Variants in TPO observed in about 807,000 individuals in gnomAD.
The protein encoded by TPO is thyroid peroxidase, also known as thyroid microsomal antigen.
In TPO, 78 loss-of-function variants were observed where a neutral mutation model predicts 96.9. The observed-to-expected ratio is 0.81, with a 90% confidence interval of 0.67 to 0.97. TPO has a LOEUF of 0.97. Ranked by LOEUF, TPO falls within the 50% of genes least tolerant of loss-of-function variation. The pLI is 0.00. For missense variants in TPO, 1,252 were observed against 1,274.8 expected (o/e 0.98, Z 0.27); for synonymous variants, 547 against 538.0 (o/e 1.02, Z -0.23).
intron 9 of TPO, among the ~76,000 whole-genome samples, chr2:1,486,684 G>T (rs1300598109): frequency 6.6e-6 from 1 of 152,166 alleles, no homozygotes; most frequent in Non-Finnish European, 1.5e-5. Flanking sequence ...TTAGTTTTTT[G>T]GAAGGGTTAT....
intron 14 of TPO, among the ~76,000 whole-genome samples, chr2:1,506,243 A>G (rs79188509): frequency 0.048 from 7,246 of 151,394 alleles, 249 homozygotes; most frequent in East Asian, 0.15. Flanking sequence ...ATAGTATTCT[A>G]TGGTATATAT....
intron 3 of TPO, among the ~76,000 whole-genome samples, chr2:1,430,093 A>T (rs777210348): frequency 1.3e-5 from 2 of 152,234 alleles, no homozygotes; most frequent in Non-Finnish European, 2.9e-5. Flanking sequence ...AAAGCATGGT[A>T]TAAGTCCTCA....
intron 15 of TPO, among the ~76,000 whole-genome samples, chr2:1,526,260 G>A (rs1676473816): frequency 1.2e-5 from 1 of 83,452 alleles, no homozygotes; most frequent in African/African-American, 5.1e-5. Context: ...CCCACTGTGA[G>A]CAACCACCCC....
At chr2:1,526,378 A>C (rs1474176750) in intron 15 of TPO, among the ~76,000 whole-genome samples, 5 of 14,110 alleles carry the variant, frequency 3.5e-4, no homozygotes, top group South Asian at 3.0e-3. Context: ...GCAACCCCCC[A>C]AATGCCCCCC....
At chr2:1,530,398 C>A (rs1426691746) in intron 15 of TPO, among the ~76,000 whole-genome samples, 12 of 144,930 alleles carry the variant, frequency 8.3e-5, no homozygotes, top group Non-Finnish European at 1.5e-4. Flanking sequence ...TTCCCTAAAT[C>A]CCCTAAACTG....
At chr2:1,497,408 G>A (rs184263579) in intron 13 of TPO, among the ~76,000 whole-genome samples, 2 of 152,310 alleles carry the variant, frequency 1.3e-5, no homozygotes, top group Non-Finnish European at 2.9e-5. Context: ...CTCCCGGGGG[G>A]AGAGCCGTGT....
chr2:1,413,915 A>G (rs1662607000), intron 1 of TPO, among the ~76,000 whole-genome samples: 1 of 152,256 alleles, frequency 6.6e-6, no homozygotes. Flanking sequence ...CTTAACAACT[A>G]GAATTCTAAA....
intron 4 of TPO, among the ~76,000 whole-genome samples, chr2:1,435,083 A>T (rs1665428298): frequency 6.6e-6 from 1 of 152,070 alleles, no homozygotes; most frequent in Non-Finnish European, 1.5e-5. Context: ...ACAGGCACTC[A>T]CCACCACACC....
Position 1,495,980 on chromosome 2 carries a change from T to G in TPO, c.2007-9T>G. 6.3e-7 allele frequency: 1 copy of G among 1,585,018 alleles called. No homozygotes were observed. The highest frequency in any genetic ancestry group is 8.5e-7 in the Non-Finnish European group (1 of 1,178,666). On this transcript the variant is annotated splice_polypyrimidine_tract_variant and intron_variant, in intron 11 of 16. Coordinates refer to ENST00000329066, the MANE Select transcript of TPO (RefSeq NM_001206744.2). Reference sequence around the variant, plus strand: ...ACTGTGACCTTACTCACTGTCTCCTTCTCTGGAGGTTTTGGTGGGAGAACA... The same window carrying G: ...ACTGTGACCTTACTCACTGTCTCCTGCTCTGGAGGTTTTGGTGGGAGAACA...
chr2:1,467,678 T>C (rs1042508671), intron 7 of TPO, among the ~76,000 whole-genome samples: 2 of 152,092 alleles, frequency 1.3e-5, no homozygotes, highest in Admixed American at 6.6e-5. Context: ...TTGGGTAGAA[T>C]GTTCTGTAAA....
intron 2 of TPO, among the ~76,000 whole-genome samples, chr2:1,422,397 C>CAGCCGCCTCTCCTGGACAGACCT (rs1467468825): frequency 1.8e-5 from 1 of 54,878 alleles, no homozygotes; most frequent in African/African-American, 1.0e-4. Context: ...CCGCGCTGGG[C>CAGCCGCCTCTCCTGGACAGACCT]CATGGGGAGA....
At chr2:1,415,446 A>C (rs185922786) in intron 2 of TPO, among the ~76,000 whole-genome samples, 2,523 of 138,746 alleles carry the variant, frequency 0.018, 26 homozygotes, top group Middle Eastern at 0.043. Flanking sequence ...GGGCCTCTGC[A>C]CACAGTCCCG....
intron 15 of TPO, among the ~76,000 whole-genome samples, chr2:1,530,519 CCACT>C: frequency 7.8e-6 from 1 of 128,054 alleles, no homozygotes; most frequent in East Asian, 2.6e-4. Flanking sequence ...CAAATCTCCC[CCACT>C]CTGTGCAACC....
Position 1,542,440 on chromosome 2 carries a change from G to C in TPO, c.2768G>C (p.Gly923Ala). The change falls in exon 17 of 17, where the codon GGC becomes GCC. Residue 923 changes from glycine to alanine, a missense_variant. Gly to Ala is a moderately conservative substitution (Grantham distance 60). Coordinates refer to ENST00000329066, the MANE Select transcript of TPO (RefSeq NM_001206744.2). ...TTGCAGGAGAGTGCTGGGATGGAAG[G>C]CCGGGATACTCACAGGCTGCCGAGA... The part of the protein sequence containing the change: ...DSEQESAGME[G>A]RDTHRLPRAL 4.3e-6 allele frequency: 7 copies of C among 1,614,168 alleles called. No homozygotes were observed. Among genetic ancestry groups the C allele is most frequent in the Non-Finnish European group, 5.9e-6 (7 of 1,180,020 alleles).
chr2:1,458,001 T>C (rs1668017565), intron 7 of TPO, among the ~76,000 whole-genome samples: 1 of 151,648 alleles, frequency 6.6e-6, no homozygotes, highest in Non-Finnish European at 1.5e-5. Flanking sequence ...CGTGTGTATA[T>C]GGCATATAAG....
At chr2:1,452,068 G>A (rs1667354263) in intron 5 of TPO, among the ~76,000 whole-genome samples, 1 of 151,994 alleles carries the variant, frequency 6.6e-6, no homozygotes, top group African/African-American at 2.4e-5. Flanking sequence ...ATTTGAATAT[G>A]TATTTTATTT....
chr2:1,401,667 G>T (rs1282819523), intron 1 of TPO, among the ~76,000 whole-genome samples: 3 of 152,072 alleles, frequency 2.0e-5, no homozygotes, highest in Non-Finnish European at 2.9e-5. Flanking sequence ...TCCTGGCATG[G>T]GTTTGATCCC....
intron 5 of TPO, among the ~76,000 whole-genome samples, chr2:1,448,967 T>C (rs1667080119): frequency 6.6e-6 from 1 of 152,132 alleles, no homozygotes; most frequent in Admixed American, 6.5e-5. Context: ...GAACGTGGCA[T>C]GGACATTGTG....
intron 16 of TPO, 97 bp from the exon 17 acceptor site, chr2:1,542,324 G>C: frequency 6.6e-7 from 1 of 1,510,096 alleles, no homozygotes; most frequent in Admixed American, 1.9e-5. Flanking sequence ...TGTGAAAAGA[G>C]CTCCTGTCCA....
Sources: gnomAD v4.1 joint callset for allele counts (sites outside exome capture counted in the v4.1 genomes callset) on GRCh38, gnomAD v4.1.1 for gene constraint, MANE v1.5 for transcripts, NCBI Gene and HGNC (gene_info 2026-07-23, HGNC 2026-07-21) for gene names.